The following RBMS3 variants were observed in gnomAD, a reference collection of about 807,000 sequenced individuals.
The protein encoded by RBMS3 is RNA-binding motif, single-stranded-interacting protein 3.
Under a neutral mutation model 66.8 loss-of-function variants are expected in RBMS3, and 27 were observed. The ratio of observed to expected loss-of-function variants is 0.40; its 90% confidence interval spans 0.30 to 0.56. The LOEUF is 0.56. RBMS3 is among the 20% of genes least tolerant of loss of function. The pLI is 0.40. For missense variants in RBMS3, 513 were observed against 549.5 expected (o/e 0.93, Z 0.66); for synonymous variants, 188 against 183.0 (o/e 1.03, Z -0.22).
chr3:29,435,896 A>AG, intron 2 of RBMS3, among the ~76,000 whole-genome samples: 1 of 151,336 alleles, frequency 6.6e-6, no homozygotes, highest in Admixed American at 6.6e-5. Context: ...AATGGCGTGA[A>AG]CCAGGAGGCG....
chr3:29,303,011 G>A (rs546833801), intron 1 of RBMS3, among the ~76,000 whole-genome samples: 2 of 152,086 alleles, frequency 1.3e-5, no homozygotes, highest in East Asian at 3.9e-4. Context: ...GGATTCTAAT[G>A]ATCTCAGTGT....
chr3:29,869,710 C>A (rs2059445076), intron 7 of RBMS3, among the ~76,000 whole-genome samples: 1 of 152,034 alleles, frequency 6.6e-6, no homozygotes. Flanking sequence ...GACTGAGCTT[C>A]CATGAGGTCT....
intron 1 of RBMS3, among the ~76,000 whole-genome samples, chr3:29,387,358 A>G (rs557341922): frequency 1.3e-5 from 2 of 152,216 alleles, no homozygotes; most frequent in East Asian, 3.9e-4. Context: ...AGAAAAAACA[A>G]CTCCATCCTT....
chr3:29,972,408 C>G (rs1282016031), intron 12 of RBMS3, among the ~76,000 whole-genome samples: 1 of 151,854 alleles, frequency 6.6e-6, no homozygotes, highest in Non-Finnish European at 1.5e-5. Flanking sequence ...TTTTTGTTTT[C>G]TATTACTTTC....
At chr3:29,996,910 C>T (rs1310369564) in intron 14 of RBMS3, among the ~76,000 whole-genome samples, 1 of 151,980 alleles carries the variant, frequency 6.6e-6, no homozygotes, top group African/African-American at 2.4e-5. Flanking sequence ...CAAGAAATAA[C>T]TAAAATCAGA....
At chr3:29,725,115 G>A (rs939722250) in intron 4 of RBMS3, among the ~76,000 whole-genome samples, 3 of 152,188 alleles carry the variant, frequency 2.0e-5, no homozygotes, top group African/African-American at 4.8e-5. Flanking sequence ...TTGTGACCAC[G>A]AGTACCTCCA....
intron 6 of RBMS3, among the ~76,000 whole-genome samples, chr3:29,794,368 T>A (rs1208808049): frequency 6.6e-6 from 1 of 151,848 alleles, no homozygotes; most frequent in East Asian, 1.9e-4. Flanking sequence ...AGGTGGATCA[T>A]GAGGTCAGGA....
intron 6 of RBMS3, among the ~76,000 whole-genome samples, chr3:29,776,110 G>A (rs1450347981): frequency 2.0e-5 from 3 of 151,996 alleles, no homozygotes; most frequent in Non-Finnish European, 4.4e-5. Context: ...GCATCCCAAA[G>A]ACAAGCATTT....
chr3:29,805,272 A>C (rs2057512219), intron 6 of RBMS3, among the ~76,000 whole-genome samples: 1 of 152,104 alleles, frequency 6.6e-6, no homozygotes, highest in Non-Finnish European at 1.5e-5. Context: ...CTGCACTTCC[A>C]GTCATATAAA....
At chr3:29,935,355 G>A (rs548312643) in intron 10 of RBMS3, among the ~76,000 whole-genome samples, 23 of 151,974 alleles carry the variant, frequency 1.5e-4, no homozygotes, top group African/African-American at 5.5e-4. Flanking sequence ...ACATATTCTA[G>A]ACATCCACTT....
intron 5 of RBMS3, among the ~76,000 whole-genome samples, chr3:29,747,309 T>G (rs1336155415): frequency 6.6e-6 from 1 of 152,166 alleles, no homozygotes; most frequent in Non-Finnish European, 1.5e-5. Flanking sequence ...TTACTTGTGT[T>G]CTTGGGGCAG....
intron 6 of RBMS3, among the ~76,000 whole-genome samples, chr3:29,840,446 A>G (rs914827703): frequency 1.3e-5 from 2 of 152,080 alleles, no homozygotes; most frequent in East Asian, 3.8e-4. Context: ...AATGTTTGAC[A>G]TAATAAAACA....
At chr3:29,585,291 A>G (rs1559488909) in intron 3 of RBMS3, among the ~76,000 whole-genome samples, 2 of 152,148 alleles carry the variant, frequency 1.3e-5, no homozygotes, top group Admixed American at 6.6e-5. Flanking sequence ...GCTCAATTAA[A>G]TTATCTTATA....
chr3:29,494,102 CG>C (rs1477903804), intron 3 of RBMS3, among the ~76,000 whole-genome samples: 1 of 152,126 alleles, frequency 6.6e-6, no homozygotes, highest in Non-Finnish European at 1.5e-5. Flanking sequence ...AGCTGTTACA[CG>C]TACAGCATAT....
At chr3:29,372,110 G>A (rs536342605) in intron 1 of RBMS3, among the ~76,000 whole-genome samples, 10 of 151,998 alleles carry the variant, frequency 6.6e-5, no homozygotes, top group Non-Finnish European at 8.8e-5. Context: ...AATGATTGCC[G>A]TTAGAATGCA....
intron 4 of RBMS3, among the ~76,000 whole-genome samples, chr3:29,632,596 CAA>C (rs1559524089): frequency 6.6e-6 from 1 of 151,682 alleles, no homozygotes; most frequent in African/African-American, 2.4e-5. Context: ...ATGATAATTA[CAA>C]AGAGGATTTT....
chr3:29,905,414 TAA>T (rs890065153), intron 10 of RBMS3, among the ~76,000 whole-genome samples: 3 of 152,076 alleles, frequency 2.0e-5, no homozygotes, highest in Admixed American at 6.6e-5. Flanking sequence ...GAGATGAGAT[TAA>T]GATTCAAAAT....
At position 29,868,960 on chromosome 3, in the gene RBMS3, G is replaced by A. The variant is rs2059424381; in HGVS notation, c.740G>A (p.Gly247Glu). ...TQNGRPWPRE[G>E]EAGMALTYDP... ...AATGGGAGGCCTTGGCCCAGGGAAG[G>A]AGAGGTGAGTCCTGACTGATAACAT... Residue 247 changes from glycine (G) to glutamate (E), a missense_variant, in exon 7 of 15, where the codon GGA becomes GAA. Transcript: ENST00000383767. The A allele has an allele frequency of 6.3e-7, 1 of 1,593,068 alleles. No individual in the cohort carries two copies. The highest frequency in any genetic ancestry group is 1.7e-5 in the Admixed American group (1 of 57,626).
intron 4 of RBMS3, among the ~76,000 whole-genome samples, chr3:29,612,165 T>C (rs1322360514): frequency 6.6e-6 from 1 of 152,076 alleles, no homozygotes; most frequent in African/African-American, 2.4e-5. Flanking sequence ...TTGATTGTTA[T>C]TATGAATAAC....
Sources: gnomAD v4.1 joint callset for allele counts (sites outside exome capture counted in the v4.1 genomes callset) on GRCh38, gnomAD v4.1.1 for gene constraint, MANE v1.5 for transcripts, NCBI Gene and HGNC (gene_info 2026-07-23, HGNC 2026-07-21) for gene names.